Variants in DNAH17 observed in about 807,000 individuals in gnomAD.
DNAH17 encodes the protein dynein axonemal heavy chain 17.
Under a neutral mutation model 485.6 loss-of-function variants are expected in DNAH17, and 376 were observed. That is an observed-to-expected ratio of 0.77 (90% CI 0.71 to 0.84). The LOEUF (loss-of-function observed/expected upper bound fraction) is 0.84, where lower values mean the gene tolerates loss of function less well. DNAH17 is among the 40% of genes least tolerant of loss of function. The probability of loss-of-function intolerance (pLI) is 0.00; values close to 1 mark genes in which losing one functional copy is unlikely to be tolerated. For missense variants in DNAH17, 6,370 were observed against 5,839.3 expected (o/e 1.09, Z -2.96); for synonymous variants, 3,031 against 2,405.9 (o/e 1.26, Z -7.60).
At chr17:78,577,111 C>A (rs1440415590) in intron 1 of DNAH17, among the ~76,000 whole-genome samples, 184 bp downstream of exon 1, 1 of 152,080 alleles carries the variant, frequency 6.6e-6, no homozygotes, top group African/African-American at 2.4e-5. Context: ...CAGGCTGGTA[C>A]GTGGCAGCCA....
chr17:78,558,157 A>C lies in DNAH17; in HGVS notation c.2129T>G (p.Phe710Cys), dbSNP rs552898463. 106 of 1,613,874 alleles carry C rather than the reference A, an allele frequency of 6.6e-5. 2 individuals carry two copies. The South Asian group carries it at 1.1e-3, about 17-fold the overall frequency. The change falls in exon 14 of 81, where the codon TTC becomes TGC. Residue 710 changes from phenylalanine (F) to cysteine (C), a missense_variant. Transcript: ENST00000389840. ...AESLFSENET[F>C]RKFVGNLELI... is the part of the protein sequence containing the mutation. ...CTCCAGGTTGCCCACAAACTTCCGGAAAGTTTCGTTCTCTGAGAACAGACT... is the reference window on the plus strand; with the variant it reads ...CTCCAGGTTGCCCACAAACTTCCGGCAAGTTTCGTTCTCTGAGAACAGACT...
chr17:78,511,590 G>C (rs2090637416), intron 26 of DNAH17, among the ~76,000 whole-genome samples: 1 of 152,226 alleles, frequency 6.6e-6, no homozygotes, highest in African/African-American at 2.4e-5. Flanking sequence ...GAACATACCA[G>C]GTACTTGCCT....
Position 78,479,522 on chromosome 17 carries a change from G to C in DNAH17, c.7863C>G (p.Ile2621Met), listed in dbSNP as rs374489673. ...HLAFRSVSMA[I>M]QRISSQLVAA... ...CCACCAGCTGGCTGCTTATCCTCTGGATAGCCATGGAGACCGAGCGGAAGG... is the reference window on the plus strand; with the variant it reads ...CCACCAGCTGGCTGCTTATCCTCTGCATAGCCATGGAGACCGAGCGGAAGG... The change falls in exon 50 of 81, where the codon ATC becomes ATG. Residue 2621 changes from isoleucine (I) to methionine (M), a missense_variant. Coordinates refer to ENST00000389840, the MANE Select transcript of DNAH17 (RefSeq NM_173628.4). 6.8e-6 allele frequency: 11 copies of C among 1,613,412 alleles called. No homozygotes were observed. The highest frequency in any genetic ancestry group is 6.8e-6 in the Non-Finnish European group (8 of 1,179,856).
At chr17:78,427,986 A>G (rs1398751887) in intron 77 of DNAH17, among the ~76,000 whole-genome samples, 2 of 149,530 alleles carry the variant, frequency 1.3e-5, no homozygotes, top group South Asian at 2.1e-4. Flanking sequence ...AAAAAAAAAA[A>G]AAGTGGAGGT....
At chr17:78,444,855 C>T in intron 70 of DNAH17, 58 bp from the exon 71 acceptor site, 2 of 1,479,032 alleles carry the variant, frequency 1.4e-6, no homozygotes, top group Non-Finnish European at 1.8e-6. Flanking sequence ...TCCCGAGAGC[C>T]TTCCTGTACA....
At chr17:78,448,992 G>T (rs367900355) in intron 69 of DNAH17, among the ~76,000 whole-genome samples, 1 of 152,304 alleles carries the variant, frequency 6.6e-6, no homozygotes, top group East Asian at 1.9e-4. Flanking sequence ...AGAGAATGCA[G>T]ATCTTTAAAT....
At chr17:78,482,063 CTAGT>C (rs1204244976) in intron 48 of DNAH17, among the ~76,000 whole-genome samples, 1 of 142,664 alleles carries the variant, frequency 7.0e-6, no homozygotes, top group African/African-American at 2.6e-5. Context: ...TCACACTACA[CTAGT>C]TACTTTTTTT....
At chr17:78,506,636 C>T (rs746496718) in intron 30 of DNAH17, 84 bp downstream of exon 30, 253 of 1,593,298 alleles carry the variant, frequency 1.6e-4, no homozygotes, top group Non-Finnish European at 2.0e-4. Context: ...CTTACCCCAC[C>T]CTAGGGCGGT....
In DNAH17 at chr17:78,566,667, T is replaced by C. The variant is rs750614298; in HGVS notation, c.1516A>G (p.Thr506Ala). ...KIQDLDRRLATIFCQGFDDCS... is the reference protein window; with the variant it reads ...KIQDLDRRLAAIFCQGFDDCS... The stretch of plus-strand genomic sequence containing the variant: ...TCATCAAATCCTTGGCAAAAGATCG[T>C]GGCCAGCCTCCTATCCAGGTCTTGG... Residue 506 changes from threonine to alanine, a missense_variant, in exon 11 of 81, where the codon ACG becomes GCG. Thr to Ala is a moderately conservative substitution (Grantham distance 58). Coordinates refer to ENST00000389840, the MANE Select transcript of DNAH17 (RefSeq NM_173628.4). 3.1e-6 allele frequency: 5 copies of C among 1,611,336 alleles called. No individual in the cohort carries two copies. The highest frequency in any genetic ancestry group is 2.2e-5 in the East Asian group (1 of 44,854).
chr17:78,475,509 C>A (rs781052326), intron 53 of DNAH17, 40 bp from the exon 54 acceptor site: 31 of 1,612,296 alleles, frequency 1.9e-5, no homozygotes, highest in Non-Finnish European at 2.5e-5. Flanking sequence ...CTTGTAGCAC[C>A]TGGAATCACC....
chr17:78,512,326 TTC>T (rs1280792113), intron 26 of DNAH17, among the ~76,000 whole-genome samples: 2 of 152,136 alleles, frequency 1.3e-5, no homozygotes, highest in Non-Finnish European at 2.9e-5. Flanking sequence ...GTCTTCACAG[TTC>T]TCACTCCCAA....
Position 78,434,134 on chromosome 17 carries a change from C to T in DNAH17, c.12120G>A (p.Arg4040=), listed in dbSNP as rs1489172913. The T allele has an allele frequency of 1.1e-5, 18 of 1,613,546 alleles. No homozygotes were observed. The highest frequency in any genetic ancestry group is 5.3e-5 in the African/African-American group (4 of 74,916). Residue 4040 remains arginine (R), a synonymous_variant, in exon 75 of 81, where the codon AGG becomes AGA. Coordinates refer to ENST00000389840, the MANE Select transcript of DNAH17 (RefSeq NM_173628.4). ...LCYFHAVVAE[R]RKFGAQGWNR... The stretch of plus-strand genomic sequence containing the variant: ...TCCAGCCCTGGGCGCCGAACTTGCG[C>T]CTCTCTGCCACCACAGCGTGGAAGT...
At chr17:78,509,865 C>T (rs568794611) in intron 27 of DNAH17, among the ~76,000 whole-genome samples, 4 of 152,160 alleles carry the variant, frequency 2.6e-5, no homozygotes, top group South Asian at 4.1e-4. Context: ...GAGCTATAGC[C>T]GCAAATTGGG....
chr17:78,533,419 G>C (rs1468014574), intron 19 of DNAH17, among the ~76,000 whole-genome samples: 1 of 152,164 alleles, frequency 6.6e-6, no homozygotes, highest in Non-Finnish European at 1.5e-5. Context: ...GGCTTTCCTG[G>C]CAACAGCAAA....
In DNAH17 at chr17:78,569,446, C is replaced by T; in HGVS notation, c.1126G>A (p.Ala376Thr). 3.7e-6 allele frequency: 6 copies of T among 1,612,152 alleles called. No homozygotes were observed. Among genetic ancestry groups the T allele is most frequent in the East Asian group, 2.2e-5 (1 of 44,816 alleles). Residue 376 changes from alanine to threonine, a missense_variant, in exon 8 of 81, where the codon GCT becomes ACT. Transcript: ENST00000389840. ...TAGAGCTCCTTCAGCACATTTACAG[C>T]CAGGGAGATGCCACTCAGGACTTCC... ...IEEVLSGISL[A>T]VNVLKELYQT...
intron 75 of DNAH17, among the ~76,000 whole-genome samples, chr17:78,429,800 C>A (rs72907433): frequency 0.16 from 24,200 of 152,174 alleles, 2,040 homozygotes; most frequent in Middle Eastern, 0.2. Flanking sequence ...GCCACGAAGT[C>A]GTTAGTCATG....
rs754639752 is a variant in DNAH17, at chr17:78,499,093, T to C, written c.5660A>G (p.Lys1887Arg). The change falls in exon 37 of 81, where the codon AAG becomes AGG. Residue 1887 changes from lysine to arginine, a missense_variant. By Grantham distance (26) the Lys-to-Arg change is conservative. Coordinates refer to ENST00000389840, the MANE Select transcript of DNAH17 (RefSeq NM_173628.4). ...CCAGGCTCCCGTCTGGGCCAGGCCC[T>C]TGTAGATATTTCCACAGGACTGGAA... ...MDYKSCGNIY[K>R]GLAQTGAWGC... The C allele has an allele frequency of 1.2e-6, 2 of 1,602,058 alleles. No homozygotes were observed. Among genetic ancestry groups the C allele is most frequent in the Non-Finnish European group, 1.7e-6 (2 of 1,174,644 alleles).
chr17:78,496,270 G>A (rs2090066619), intron 37 of DNAH17, among the ~76,000 whole-genome samples: 1 of 152,064 alleles, frequency 6.6e-6, no homozygotes, highest in South Asian at 2.1e-4. Context: ...CCAGCACTTT[G>A]GGAGGCTGAG....
intron 74 of DNAH17, among the ~76,000 whole-genome samples, chr17:78,436,844 CCAAA>C (rs56360405): frequency 0.096 from 14,494 of 150,270 alleles, 923 homozygotes; most frequent in African/African-American, 0.17. Flanking sequence ...GACTCCATCT[CCAAA>C]CAAACAAACA....
Sources: allele counts gnomAD v4.1 joint callset (sites outside exome capture counted in the v4.1 genomes callset), GRCh38; gene constraint gnomAD v4.1.1; transcripts MANE v1.5; gene names NCBI Gene and HGNC (gene_info 2026-07-23, HGNC 2026-07-21).